The following KCNMA1 variants were observed in gnomAD, a reference collection of about 807,000 sequenced individuals.
The protein encoded by KCNMA1 is Calcium-activated potassium channel subunit alpha-1.
In KCNMA1, 29 loss-of-function variants were observed where a neutral mutation model predicts 140.0. The ratio of observed to expected loss-of-function variants is 0.21; its 90% CI spans 0.15 to 0.28. KCNMA1 has a LOEUF of 0.28. Among genes scored for constraint, KCNMA1 ranks in the 10% least tolerant of loss-of-function variants. KCNMA1 has a pLI of 1.00. For missense variants in KCNMA1, 880 were observed against 1,602.2 expected (o/e 0.55, Z 7.70); for synonymous variants, 612 against 611.9 (o/e 1.00, Z 0.00).
At chr10:77,012,913 T>A (rs1174553024) in intron 17 of KCNMA1, among the ~76,000 whole-genome samples, 1 of 152,214 alleles carries the variant, frequency 6.6e-6, no homozygotes, top group Admixed American at 6.5e-5. Context: ...AAGCACTATT[T>A]GAAATCACAG....
chr10:77,332,890 C>T (rs893136906), intron 2 of KCNMA1, among the ~76,000 whole-genome samples: 1 of 152,224 alleles, frequency 6.6e-6, no homozygotes, highest in African/African-American at 2.4e-5. Flanking sequence ...CTAACACACA[C>T]ATACATGCAC....
intron 23 of KCNMA1, among the ~76,000 whole-genome samples, chr10:76,918,403 C>A (rs572554531): frequency 1.3e-5 from 2 of 152,286 alleles, no homozygotes; most frequent in South Asian, 4.1e-4. Context: ...GATTCTTTAG[C>A]CATGTACCCA....
At chr10:77,629,297 A>G (rs74432323) in intron 1 of KCNMA1, among the ~76,000 whole-genome samples, 1,876 of 152,316 alleles carry the variant, frequency 0.012, 36 homozygotes, top group African/African-American at 0.042. Flanking sequence ...TGCCTGACTC[A>G]TCCACCTCAC....
intron 25 of KCNMA1, among the ~76,000 whole-genome samples, chr10:76,908,001 T>C (rs1466082499): frequency 6.6e-6 from 1 of 152,194 alleles, no homozygotes; most frequent in African/African-American, 2.4e-5. Context: ...ATTTTAAAAA[T>C]GTTATCAGAG....
In KCNMA1 at chr10:77,636,677, C is replaced by G. The variant is rs1361970348; in HGVS notation, c.378+588G>C. ...AGTGGGATGGATCTCCCCAACTTCT[C>G]TCGCCCCTCGAAGTCCCCCTGTTAT... On this transcript the variant is annotated intron_variant, in intron 1 of 27. Coordinates refer to ENST00000286628, the MANE Select transcript of KCNMA1 (RefSeq NM_001161352.2). 5.2e-6 allele frequency: 8 copies of G among 1,533,312 alleles called. No homozygotes were observed. In the South Asian group the frequency reaches 9.6e-5, roughly 18 times the overall value. 95.0% of individuals were successfully genotyped at this position (1,533,312 alleles called of 1,614,324 possible). A position where few individuals can be genotyped will look rare whatever the true frequency, so the allele number is the denominator to read the frequency against.
chr10:76,873,720 A>C (rs567102471), downstream of KCNMA1: 2 of 152,300 alleles, frequency 1.3e-5, no homozygotes, highest in South Asian at 4.1e-4. Flanking sequence ...AATTGGTTGG[A>C]TAGTCTTTGT....
chr10:77,160,550 G>A (rs2098543668), intron 5 of KCNMA1, among the ~76,000 whole-genome samples: 1 of 152,210 alleles, frequency 6.6e-6, no homozygotes, highest in South Asian at 2.1e-4. Flanking sequence ...AGTTCTCACT[G>A]CTGAGGGGGA....
At chr10:77,548,994 G>A (rs940675079) in intron 1 of KCNMA1, among the ~76,000 whole-genome samples, 4 of 152,184 alleles carry the variant, frequency 2.6e-5, no homozygotes, top group South Asian at 2.1e-4. Context: ...CACTTGAGTC[G>A]TGGATGGTGA....
chr10:77,215,760 C>A (rs984839665), intron 3 of KCNMA1, among the ~76,000 whole-genome samples: 1 of 152,008 alleles, frequency 6.6e-6, no homozygotes, highest in Admixed American at 6.5e-5. Context: ...GGAGGTGGAG[C>A]CTTTGGGAGA....
intron 26 of KCNMA1, 166 bp from the exon 27 acceptor site, chr10:76,889,735 A>T: frequency 1.4e-6 from 1 of 692,026 alleles, no homozygotes. Context: ...TGTTTAACAG[A>T]CTACACCCAA....
chr10:77,453,452 A>C lies in KCNMA1; in HGVS notation c.379-49429T>G, dbSNP rs2154521060. Among the ~76,000 whole-genome samples the C allele has an allele frequency of 1.3e-5, 2 of 152,310 alleles. 1 individual carries two copies. Among genetic ancestry groups the C allele is most frequent in the East Asian group, 3.9e-4 (2 of 5,190 alleles). On this transcript the variant is annotated intron_variant, in intron 1 of 27. Coordinates refer to ENST00000286628, the MANE Select transcript of KCNMA1 (RefSeq NM_001161352.2). ...TAGCATGGACTAGATCTCTCCTCCC[A>C]CCTGAAACAACTAAAAATTCAGACA...
intron 1 of KCNMA1, among the ~76,000 whole-genome samples, chr10:77,489,406 G>A (rs953113635): frequency 5.9e-5 from 9 of 151,902 alleles, no homozygotes; most frequent in Admixed American, 2.6e-4. Context: ...CACGATCTTG[G>A]CTGACTGCAA....
chr10:77,584,748 T>C (rs1355485281), intron 1 of KCNMA1, among the ~76,000 whole-genome samples: 1 of 152,136 alleles, frequency 6.6e-6, no homozygotes, highest in Non-Finnish European at 1.5e-5. Context: ...ACAGAGACAC[T>C]CAAGAGTGAG....
chr10:77,531,782 C>T (rs1457582031), intron 1 of KCNMA1, among the ~76,000 whole-genome samples: 1 of 152,206 alleles, frequency 6.6e-6, no homozygotes, highest in Non-Finnish European at 1.5e-5. Flanking sequence ...TGGTCTGACC[C>T]CTCACAAGAC....
intron 2 of KCNMA1, among the ~76,000 whole-genome samples, chr10:77,276,070 G>A (rs2066593800): frequency 6.6e-6 from 1 of 152,152 alleles, no homozygotes; most frequent in Non-Finnish European, 1.5e-5. Flanking sequence ...AATTCCCTAA[G>A]CTGAGTCAAC....
At chr10:77,251,108 G>T (rs1005182316) in intron 3 of KCNMA1, 87 bp downstream of exon 3, 8 of 1,043,952 alleles carry the variant, frequency 7.7e-6, no homozygotes, top group Admixed American at 3.4e-5. Context: ...TCTTGCAAAG[G>T]TTGGTGTCAA....
chr10:77,563,103 C>T (rs1252316340), intron 1 of KCNMA1, among the ~76,000 whole-genome samples: 1 of 151,874 alleles, frequency 6.6e-6, no homozygotes, highest in Non-Finnish European at 1.5e-5. Flanking sequence ...CATGCCCAGG[C>T]TAAAGAAACA....
intron 16 of KCNMA1, among the ~76,000 whole-genome samples, chr10:77,025,224 TTGGAGAGGG>T (rs2093287582): frequency 9.8e-6 from 1 of 101,898 alleles, no homozygotes; most frequent in African/African-American, 3.6e-5. Context: ...TGTACTCTAG[TTGGAGAGGG>T]GTGTGTGTGT....
At chr10:77,448,184 C>T (rs1052896409) in intron 1 of KCNMA1, among the ~76,000 whole-genome samples, 4 of 152,132 alleles carry the variant, frequency 2.6e-5, no homozygotes, top group Admixed American at 2.6e-4. Flanking sequence ...CCAGGACACC[C>T]GTTGAAGCTC....
Sources: allele counts gnomAD v4.1 joint callset (sites outside exome capture counted in the v4.1 genomes callset), GRCh38; gene constraint gnomAD v4.1.1; transcripts MANE v1.5; gene names NCBI Gene and HGNC (gene_info 2026-07-23, HGNC 2026-07-21).